The following DNAH9 variants were observed in gnomAD, a reference collection of about 807,000 sequenced individuals.
DNAH9 encodes the protein dynein axonemal heavy chain 9.
In DNAH9, 345 loss-of-function variants were observed where a neutral mutation model predicts 471.6. The ratio of observed to expected loss-of-function variants is 0.73; its 90% CI spans 0.67 to 0.80. DNAH9 has a LOEUF of 0.80. Ranked by LOEUF, DNAH9 falls within the 30% of genes least tolerant of loss-of-function variation. The pLI is 0.00. For synonymous variants in DNAH9, 2,093 were observed against 2,123.6 expected, an observed-to-expected ratio of 0.99 and a Z score of 0.40; for missense variants, 5,407 against 5,609.2, an observed-to-expected ratio of 0.96 and a Z score of 1.15.
Position 11,822,055 on chromosome 17 carries a change from A to G in DNAH9, c.8843A>G (p.Gln2948Arg). The G allele has an allele frequency of 6.2e-7, 1 of 1,611,830 alleles. No homozygotes were observed. Among genetic ancestry groups the G allele is most frequent in the South Asian group, 1.1e-5 (1 of 90,642 alleles). Residue 2948 changes from glutamine (Q) to arginine (R), a missense_variant, in exon 46 of 69, where the codon CAG (glutamine) becomes CGG (arginine). Physicochemically the swap from Gln to Arg is conservative, Grantham distance 43. Around this residue, in one of 3 missense-constraint regions of DNAH9, gnomAD observed 4,636 missense variants for 4,900.3 expected, o/e 0.95. Coordinates refer to ENST00000262442, the MANE Select transcript of DNAH9 (RefSeq NM_001372.4). ...TTCTTTATAGATCGGATCCGGCGAC[A>G]GCTGAAGGTAAAGAGCATTTACTGA... Reference protein sequence around the residue: ...WKFFIDRIRRQLKVTLCFSPV... With the variant: ...WKFFIDRIRRRLKVTLCFSPV...
chr17:11,912,087 A>G (rs776928261), intron 61 of DNAH9, among the ~76,000 whole-genome samples: 1 of 152,050 alleles, frequency 6.6e-6, no homozygotes, highest in Non-Finnish European at 1.5e-5. Flanking sequence ...GCACGATCTC[A>G]GCTCACTGCA....
intron 38 of DNAH9, among the ~76,000 whole-genome samples, chr17:11,773,525 A>G (rs1968301002): frequency 6.6e-6 from 1 of 152,074 alleles, no homozygotes; most frequent in African/African-American, 2.4e-5. Flanking sequence ...ATAAAAATTT[A>G]CTCACTTATA....
intron 48 of DNAH9, among the ~76,000 whole-genome samples, chr17:11,829,908 T>A (rs1258783106): frequency 6.6e-6 from 1 of 152,282 alleles, no homozygotes; most frequent in Non-Finnish European, 1.5e-5. Flanking sequence ...TTAATATTAA[T>A]CTTGCATTGC....
chr17:11,608,465 G>GCCGACAC (rs2072556847), intron 2 of DNAH9, 140 bp downstream of exon 2: 1 of 695,176 alleles, frequency 1.4e-6, no homozygotes, highest in Non-Finnish European at 2.4e-6. Flanking sequence ...TGCTCTGTTT[G>GCCGACAC]CCGACACCCT....
chr17:11,676,275 C>CTTTTTTTTTTTTTTTTTTT (rs67397847), intron 17 of DNAH9, among the ~76,000 whole-genome samples: 1 of 73,882 alleles, frequency 1.4e-5, no homozygotes, highest in African/African-American at 4.8e-5. Flanking sequence ...CATTTCTGTT[C>CTTTTTTTTTTTTTTTTTTT]TTTTTTTTTT....
intron 6 of DNAH9, among the ~76,000 whole-genome samples, chr17:11,624,508 CAA>C (rs5819329): frequency 6.8e-6 from 1 of 147,388 alleles, no homozygotes; most frequent in Non-Finnish European, 1.5e-5. Context: ...GACTCCATCT[CAA>C]AAAAAAAAGA....
intron 58 of DNAH9, among the ~76,000 whole-genome samples, 182 bp from the exon 59 acceptor site, chr17:11,894,192 G>A (rs373028958): frequency 2.0e-5 from 3 of 152,138 alleles, no homozygotes; most frequent in African/African-American, 4.8e-5. Flanking sequence ...TGAAAATAGA[G>A]GGACACAGTA....
At chr17:11,661,134 C>G (rs1225226566) in intron 14 of DNAH9, among the ~76,000 whole-genome samples, 5 of 148,258 alleles carry the variant, frequency 3.4e-5, no homozygotes, top group African/African-American at 1.1e-4. Context: ...ATTATTACAA[C>G]TTCCTGATTA....
At position 11,937,639 on chromosome 17, in the gene DNAH9, C is replaced by A; in HGVS notation, c.12660+117C>A. 3.6e-6 allele frequency: 4 copies of A among 1,124,634 alleles called. No homozygotes were observed. Among genetic ancestry groups the A allele is most frequent in the Non-Finnish European group, 3.6e-6 (3 of 837,706 alleles). The allele number at this position is 1,124,634 out of a possible 1,614,324, so 69.7% of individuals were successfully genotyped here. A position where few individuals can be genotyped will look rare whatever the true frequency, so the allele number is the denominator to read the frequency against. Reference sequence around the variant, plus strand: ...ACAGCATAGACAACACACAAAGCACCAACCACCTGCAGCCTGGAGATGCTT... The same window carrying A: ...ACAGCATAGACAACACACAAAGCACAAACCACCTGCAGCCTGGAGATGCTT... On this transcript the variant is annotated intron_variant, in intron 66 of 68. Transcript: ENST00000262442. The surrounding 1 kb of genome is among the most constrained non-coding windows in gnomAD (Gnocchi z 4.1).
At chr17:11,782,506 TA>T (rs376193911) in intron 39 of DNAH9, among the ~76,000 whole-genome samples, 103 of 152,306 alleles carry the variant, frequency 6.8e-4, no homozygotes, top group African/African-American at 2.4e-3. Flanking sequence ...TGTTACATCT[TA>T]CCTAAGGCCA....
At chr17:11,770,073 T>G (rs1392186726) in intron 38 of DNAH9, among the ~76,000 whole-genome samples, 1 of 152,210 alleles carries the variant, frequency 6.6e-6, no homozygotes, top group African/African-American at 2.4e-5. Context: ...TCCCACTCTG[T>G]TACTTGGTCT....
At chr17:11,881,451 C>T (rs779463574) in intron 55 of DNAH9, 38 bp downstream of exon 55, 1 of 1,588,496 alleles carries the variant, frequency 6.3e-7, no homozygotes, top group Non-Finnish European at 8.6e-7. Flanking sequence ...GCCACTAGAG[C>T]CTGCAGTGTA....
chr17:11,918,708 G>A (rs190085824), intron 61 of DNAH9, among the ~76,000 whole-genome samples: 17 of 152,280 alleles, frequency 1.1e-4, no homozygotes, highest in South Asian at 8.3e-4. Flanking sequence ...AAAGAGGGCC[G>A]GGCGCAGTGG....
Position 11,690,260 on chromosome 17 carries a change from C to G in DNAH9, c.4438C>G (p.Gln1480Glu), listed in dbSNP as rs1266557162. 1 of 1,614,192 alleles carries G rather than the reference C, an allele frequency of 6.2e-7. No homozygotes were observed. Among genetic ancestry groups the G allele is most frequent in the South Asian group, 1.1e-5 (1 of 91,082 alleles). ...EVLEDNQVQLQNLVMSKYVAF... is the reference protein window; with the variant it reads ...EVLEDNQVQLENLVMSKYVAF... Reference sequence around the variant, plus strand: ...TCTGGAGGATAATCAAGTTCAACTTCAGAACCTGGTGATGTCCAAGTATGT... The same window carrying G: ...TCTGGAGGATAATCAAGTTCAACTTGAGAACCTGGTGATGTCCAAGTATGT... Residue 1480 changes from glutamine (Q) to glutamate (E), a missense_variant, in exon 20 of 69, where the codon CAG becomes GAG. Coordinates refer to ENST00000262442, the MANE Select transcript of DNAH9 (RefSeq NM_001372.4).
At chr17:11,746,740 A>G in intron 31 of DNAH9, among the ~76,000 whole-genome samples, 1 of 152,222 alleles carries the variant, frequency 6.6e-6, no homozygotes, top group Non-Finnish European at 1.5e-5. Flanking sequence ...TAAATTGGAT[A>G]TTTGAGAATA....
At chr17:11,834,234 CAGG>C (rs1238039231) in intron 48 of DNAH9, among the ~76,000 whole-genome samples, 1 of 139,380 alleles carries the variant, frequency 7.2e-6, no homozygotes, top group Non-Finnish European at 1.5e-5. Flanking sequence ...GAGGCTGAGA[CAGG>C]AGAATCTCTT....
At position 11,783,702 on chromosome 17, in the gene DNAH9, G is replaced by A. The variant is rs1968752036; in HGVS notation, c.7775G>A (p.Cys2592Tyr). The change falls in exon 40 of 69, where the codon TGT becomes TAT. Residue 2592 changes from cysteine (C) to tyrosine (Y), a missense_variant. By Grantham distance (194) the Cys-to-Tyr change is radical (BLOSUM62 -2). Around this residue, in one of 3 missense-constraint regions of DNAH9, gnomAD observed 4,636 missense variants for 4,900.3 expected, o/e 0.95. Transcript: ENST00000262442. Reference sequence around the variant, plus strand: ...ATCACAAATGTACAGTATGTTTCCTGTATGAACCCCACGGCAGGCAGCTTC... The same window carrying A: ...ATCACAAATGTACAGTATGTTTCCTATATGAACCCCACGGCAGGCAGCTTC... ...KEITNVQYVS[C>Y]MNPTAGSFTI... The A allele has an allele frequency of 1.2e-6, 2 of 1,614,118 alleles. No individual in the cohort carries two copies. The highest frequency in any genetic ancestry group is 1.7e-6 in the Non-Finnish European group (2 of 1,180,032).
At chr17:11,817,055 CAA>C (rs60143900) in intron 45 of DNAH9, among the ~76,000 whole-genome samples, 1 of 145,952 alleles carries the variant, frequency 6.9e-6, no homozygotes, top group African/African-American at 2.5e-5. Context: ...CGAGCCGTCT[CAA>C]AAAAAAAAAT....
At chr17:11,644,199 A>C (rs1411640300) in intron 10 of DNAH9, among the ~76,000 whole-genome samples, 1 of 152,246 alleles carries the variant, frequency 6.6e-6, no homozygotes, top group Non-Finnish European at 1.5e-5. Flanking sequence ...CCGCAGTCAC[A>C]TACGTGTATA....
Sources: allele counts gnomAD v4.1 joint callset (sites outside exome capture counted in the v4.1 genomes callset), GRCh38; gene constraint gnomAD v4.1.1; regional missense constraint gnomAD v4.1.1; non-coding constraint Gnocchi (gnomAD v3.1); transcripts MANE v1.5; gene names NCBI Gene and HGNC (gene_info 2026-07-23, HGNC 2026-07-21).